Variants in FSHR observed in about 807,000 individuals in gnomAD.
The protein encoded by FSHR is follicle stimulating hormone receptor, also known as follicle-stimulating hormone receptor.
In FSHR, 46 loss-of-function variants were observed where a neutral mutation model predicts 52.1. The ratio of observed to expected loss-of-function variants is 0.88; its 90% CI spans 0.70 to 1.13. The LOEUF (loss-of-function observed/expected upper bound fraction) is 1.13, where lower values mean the gene tolerates loss of function less well. FSHR is among the 50% of genes most tolerant of loss of function. The probability of loss-of-function intolerance (pLI) is 0.00; values close to 1 mark genes in which losing one functional copy is unlikely to be tolerated. For synonymous variants in FSHR, 399 were observed against 309.6 expected, an observed-to-expected ratio of 1.29 and a Z score of -3.03; for missense variants, 964 against 834.6, an observed-to-expected ratio of 1.16 and a Z score of -1.91.
chr2:49,003,188 T>C (rs1666965179), intron 4 of FSHR, among the ~76,000 whole-genome samples: 1 of 152,186 alleles, frequency 6.6e-6, no homozygotes, highest in Non-Finnish European at 1.5e-5. Context: ...CACTTCAGTG[T>C]TCACACTCTG....
At chr2:49,081,467 TA>T (rs1036389530) in intron 1 of FSHR, among the ~76,000 whole-genome samples, 95 of 152,336 alleles carry the variant, frequency 6.2e-4, no homozygotes, top group African/African-American at 2.2e-3. Context: ...ATTTCATAAT[TA>T]ATTTTCAAGA....
At chr2:49,129,910 C>T (rs1169510295) in intron 1 of FSHR, among the ~76,000 whole-genome samples, 1 of 152,092 alleles carries the variant, frequency 6.6e-6, no homozygotes, top group Non-Finnish European at 1.5e-5. Context: ...GAAATTAGGA[C>T]AATTTATAAT....
At chr2:48,966,858 C>A (rs1674499412) in intron 9 of FSHR, among the ~76,000 whole-genome samples, 1 of 152,198 alleles carries the variant, frequency 6.6e-6, no homozygotes, top group Non-Finnish European at 1.5e-5. Flanking sequence ...TATACCCCAA[C>A]AGGCCTGGAT....
At chr2:49,084,024 C>A (rs58656242) in intron 1 of FSHR, among the ~76,000 whole-genome samples, 8,007 of 150,816 alleles carry the variant, frequency 0.053, 487 homozygotes, top group East Asian at 0.22. Flanking sequence ...CTCTCCACCC[C>A]AAATCAACAG....
At position 49,154,451 on chromosome 2, in the gene FSHR, A is replaced by T. The variant is rs768434973; in HGVS notation, c.-34T>A. On this transcript the variant is annotated 5_prime_UTR_variant, in exon 1 of 10. The change abolishes an upstream ATG in the 5' untranslated region. Coordinates refer to ENST00000406846, the MANE Select transcript of FSHR (RefSeq NM_000145.4). ...ATCCATCCACCTGATTTCTTCCTGC[A>T]TTTGCAGAGAAAAACCTCCACAGAT... is the stretch of plus-strand genomic sequence containing the variant. The T allele has an allele frequency of 6.2e-7, 1 of 1,610,322 alleles. No individual in the cohort carries two copies. The highest frequency in any genetic ancestry group is 8.5e-7 in the Non-Finnish European group (1 of 1,178,828).
chr2:48,997,826 G>T (rs569089130), intron 4 of FSHR, among the ~76,000 whole-genome samples: 2 of 152,150 alleles, frequency 1.3e-5, no homozygotes, highest in South Asian at 4.1e-4. Context: ...GAGTCCCTGT[G>T]GGACTTATAT....
At chr2:49,080,131 G>A (rs1256937664) in intron 1 of FSHR, among the ~76,000 whole-genome samples, 3 of 152,098 alleles carry the variant, frequency 2.0e-5, no homozygotes, top group Non-Finnish European at 4.4e-5. Context: ...TAATCAAGAA[G>A]TGTAAACAAT....
chr2:49,109,660 C>A (rs1396086995), intron 1 of FSHR, among the ~76,000 whole-genome samples: 1 of 152,084 alleles, frequency 6.6e-6, no homozygotes, highest in Non-Finnish European at 1.5e-5. Flanking sequence ...AGCCACCTGC[C>A]ATGGAACTTT....
At chr2:49,031,584 AT>A (rs1668104667) in intron 2 of FSHR, among the ~76,000 whole-genome samples, 1 of 152,264 alleles carries the variant, frequency 6.6e-6, no homozygotes, top group South Asian at 2.1e-4. Flanking sequence ...ATAGGAGTGC[AT>A]TTTCATTAAT....
rs1013447530 is a variant in FSHR, at chr2:49,061,581, T to C, written c.224+6638A>G. Among the ~76,000 whole-genome samples, 11 of 140,474 alleles carry C rather than the reference T, an allele frequency of 7.8e-5. No individual in the cohort carries two copies. The East Asian group carries it at 2.3e-3, about 29-fold the overall frequency. 92.2% of individuals were successfully genotyped at this position (140,474 alleles called of 152,430 possible). On this transcript the variant is annotated intron_variant, in intron 2 of 9. Coordinates refer to ENST00000406846, the MANE Select transcript of FSHR (RefSeq NM_000145.4). ...ACATATAAATATACATATTTAGATA[T>C]ATATCTATATATCTAAATGTATATA... is the stretch of plus-strand genomic sequence containing the variant.
intron 4 of FSHR, among the ~76,000 whole-genome samples, chr2:49,010,588 G>T (rs1667232493): frequency 6.6e-6 from 1 of 151,348 alleles, no homozygotes; most frequent in South Asian, 2.1e-4. Context: ...GATTGGAATA[G>T]TTTCAGAAGG....
At chr2:49,068,758 A>G (rs1011262833) in intron 1 of FSHR, among the ~76,000 whole-genome samples, 1 of 151,964 alleles carries the variant, frequency 6.6e-6, no homozygotes, top group African/African-American at 2.4e-5. Context: ...TGCCTGATCA[A>G]CCTGCCTGTA....
rs1445110709 is a variant in FSHR at position 48,963,465 on chromosome 2, G to A, written c.1356C>T (p.Ala452=). 6.2e-7 allele frequency: 1 copy of A among 1,614,156 alleles called. No individual in the cohort carries two copies. Among genetic ancestry groups the A allele is most frequent in the Middle Eastern group, 1.6e-4 (1 of 6,062 alleles). Residue 452 remains alanine (A), a synonymous_variant, in exon 10 of 10, where the codon GCC becomes GCT. Coordinates refer to ENST00000406846, the MANE Select transcript of FSHR (RefSeq NM_000145.4). ...CDAAGFFTVF[A]SELSVYTLTA... ...TCAGAGTGTAGACTGACAGCTCACT[G>A]GCAAAGACAGTGAAAAAGCCAGCAG... is the stretch of plus-strand genomic sequence containing the variant.
chr2:48,963,668 C>G lies in FSHR; in HGVS notation c.1153G>C (p.Val385Leu). 1.2e-6 allele frequency: 2 copies of G among 1,614,172 alleles called. No homozygotes were observed. Among genetic ancestry groups the G allele is most frequent in the South Asian group, 2.2e-5 (2 of 91,084 alleles). Residue 385 changes from valine (V) to leucine (L), a missense_variant, in exon 10 of 10, where the codon GTG becomes CTG. Val to Leu is a conservative substitution (Grantham distance 32). Transcript: ENST00000406846. Reference sequence around the variant, plus strand: ...TTATATTGGCTGGTAGTTAGGATCACTAGCACTATGATGTTCCCAGTGATG... The same window carrying G: ...TTATATTGGCTGGTAGTTAGGATCAGTAGCACTATGATGTTCCCAGTGATG... ...LAITGNIIVL[V>L]ILTTSQYKLT...
chr2:48,992,417 A>G (rs1031919672), intron 4 of FSHR, among the ~76,000 whole-genome samples: 2 of 152,148 alleles, frequency 1.3e-5, no homozygotes, highest in Non-Finnish European at 2.9e-5. Context: ...TGTTATGTCA[A>G]TGGAATCATC....
At chr2:49,034,696 T>G (rs1361759264) in intron 2 of FSHR, among the ~76,000 whole-genome samples, 3 of 152,222 alleles carry the variant, frequency 2.0e-5, no homozygotes, top group African/African-American at 7.2e-5. Context: ...TATTACAGTT[T>G]TCTTTGACGA....
chr2:49,093,097 A>C (rs574168626), intron 1 of FSHR, among the ~76,000 whole-genome samples: 167 of 152,330 alleles, frequency 1.1e-3, no homozygotes, highest in African/African-American at 4.0e-3. Flanking sequence ...TTTCATCCAT[A>C]TTCATGAAGG....
At chr2:49,116,328 C>A (rs370457475) in intron 1 of FSHR, among the ~76,000 whole-genome samples, 2 of 152,112 alleles carry the variant, frequency 1.3e-5, no homozygotes, top group African/African-American at 4.8e-5. Context: ...GATGAGATAA[C>A]GGCTGACCTA....
At chr2:49,129,018 A>C (rs554622873) in intron 1 of FSHR, among the ~76,000 whole-genome samples, 1 of 151,016 alleles carries the variant, frequency 6.6e-6, no homozygotes, top group Non-Finnish European at 1.5e-5. Context: ...AAAGCATATG[A>C]ATCATCCAGA....
Sources: allele counts gnomAD v4.1 joint callset (sites outside exome capture counted in the v4.1 genomes callset), GRCh38; gene constraint gnomAD v4.1.1; transcripts MANE v1.5; gene names NCBI Gene and HGNC (gene_info 2026-07-23, HGNC 2026-07-21).